Variants in MAGI2 observed in about 807,000 individuals in gnomAD.
MAGI2 encodes membrane associated guanylate kinase, WW and PDZ domain containing 2.
A neutral mutation model predicts 133.3 loss-of-function variants in MAGI2; 35 were observed. The ratio of observed to expected loss-of-function variants is 0.26; its 90% CI spans 0.20 to 0.35. MAGI2 has a LOEUF of 0.35. Among genes scored for constraint, MAGI2 ranks in the 10% least tolerant of loss-of-function variants. The probability of loss-of-function intolerance (pLI) is 1.00; values close to 1 mark genes in which losing one functional copy is unlikely to be tolerated. For missense variants in MAGI2, 1,636 were observed against 1,863.4 expected (o/e 0.88, Z 2.25); for synonymous variants, 729 against 710.6 (o/e 1.03, Z -0.41).
chr7:78,999,996 T>C (rs987857307), intron 2 of MAGI2, among the ~76,000 whole-genome samples: 2 of 152,176 alleles, frequency 1.3e-5, no homozygotes, highest in African/African-American at 4.8e-5. Context: ...AGTTGCCAAA[T>C]TGATGATTCT....
intron 2 of MAGI2, among the ~76,000 whole-genome samples, chr7:79,005,667 TCTC>T (rs1176383902): frequency 2.0e-5 from 3 of 152,156 alleles, no homozygotes; most frequent in Non-Finnish European, 4.4e-5. Flanking sequence ...GTATTTCAGA[TCTC>T]CTTTCTTTCA....
intron 1 of MAGI2, among the ~76,000 whole-genome samples, chr7:79,335,335 T>C (rs1400290724): frequency 2.0e-5 from 3 of 152,108 alleles, no homozygotes; most frequent in Admixed American, 2.0e-4. Flanking sequence ...CCATGGTTTA[T>C]GTATAGAAAA....
At chr7:79,149,110 T>A (rs1489809885) in intron 1 of MAGI2, among the ~76,000 whole-genome samples, 3 of 144,288 alleles carry the variant, frequency 2.1e-5, no homozygotes, top group Non-Finnish European at 3.0e-5. Context: ...TATAATATAT[T>A]ATATTATATA....
chr7:78,327,450 G>T lies in MAGI2; in HGVS notation c.1408+16328C>A, dbSNP rs917297823. 1.1e-4 allele frequency among the ~76,000 whole-genome samples: 17 copies of T among 152,204 alleles called. No individual in the cohort carries two copies. The East Asian group carries it at 3.3e-3, about 29-fold the overall frequency. ...ACAGGCTACCCCAATTTCAATGAGT[G>T]ATTCTCCTGTAGCCTCCCCTTTCTT... On this transcript the variant is annotated intron_variant, in intron 9 of 21. Transcript: ENST00000354212.
At chr7:78,486,835 G>A (rs569644145) in intron 6 of MAGI2, 57 of 468,942 alleles carry the variant, frequency 1.2e-4, no homozygotes, top group South Asian at 4.8e-4. Context: ...CCCTGAGCTC[G>A]ACAGAAAGAC....
intron 1 of MAGI2, among the ~76,000 whole-genome samples, chr7:79,386,708 G>A (rs1045428441): frequency 6.6e-6 from 1 of 152,048 alleles, no homozygotes; most frequent in Non-Finnish European, 1.5e-5. Flanking sequence ...TGGCTGCTAT[G>A]ATCTGAATGT....
chr7:78,457,524 G>A (rs1454545950), intron 6 of MAGI2, among the ~76,000 whole-genome samples: 1 of 152,032 alleles, frequency 6.6e-6, no homozygotes, highest in African/African-American at 2.4e-5. Flanking sequence ...TGAGGATTTT[G>A]TAATATAATA....
chr7:79,296,156 G>T (rs538293914), intron 1 of MAGI2, among the ~76,000 whole-genome samples: 1 of 152,232 alleles, frequency 6.6e-6, no homozygotes, highest in South Asian at 2.1e-4. Context: ...CTCCACTCTT[G>T]TCTCTGTAGA....
intron 1 of MAGI2, among the ~76,000 whole-genome samples, chr7:79,100,914 A>G (rs1750007487): frequency 1.3e-5 from 2 of 151,958 alleles, no homozygotes; most frequent in African/African-American, 4.8e-5. Flanking sequence ...TGTTTCAGTA[A>G]CACTTTTCCA....
intron 2 of MAGI2, among the ~76,000 whole-genome samples, chr7:78,969,638 C>T (rs912420986): frequency 2.0e-5 from 3 of 151,998 alleles, no homozygotes; most frequent in Admixed American, 2.0e-4. Flanking sequence ...CCTTGATAGC[C>T]TTAATTCACT....
intron 2 of MAGI2, among the ~76,000 whole-genome samples, chr7:78,866,572 A>T (rs896786256): frequency 6.6e-6 from 1 of 151,908 alleles, no homozygotes; most frequent in African/African-American, 2.4e-5. Context: ...TCAATCCCCT[A>T]TGGTCCTGCT....
intron 9 of MAGI2, among the ~76,000 whole-genome samples, chr7:78,321,799 A>T (rs192714590): frequency 1.6e-4 from 25 of 152,366 alleles, no homozygotes; most frequent in African/African-American, 5.8e-4. Flanking sequence ...GAGCTTCTGC[A>T]CTGCAAAAGA....
intron 6 of MAGI2, among the ~76,000 whole-genome samples, chr7:78,397,374 C>CACACAA (rs2151330784): frequency 6.6e-6 from 1 of 151,176 alleles, no homozygotes; most frequent in Non-Finnish European, 1.5e-5. Flanking sequence ...CCTACACACA[C>CACACAA]ACACACACAC....
At chr7:78,166,093 T>C (rs1282420737) in intron 15 of MAGI2, among the ~76,000 whole-genome samples, 1 of 152,226 alleles carries the variant, frequency 6.6e-6, no homozygotes, top group Non-Finnish European at 1.5e-5. Context: ...TGAGTAAAGT[T>C]GGTAAGAGCT....
At chr7:78,858,419 T>C (rs1400909979) in intron 2 of MAGI2, among the ~76,000 whole-genome samples, 2 of 152,240 alleles carry the variant, frequency 1.3e-5, no homozygotes, top group Non-Finnish European at 2.9e-5. Flanking sequence ...ACACACTGCT[T>C]TAAATGTGTC....
At chr7:79,246,972 C>A (rs752464228) in intron 1 of MAGI2, among the ~76,000 whole-genome samples, 2 of 152,024 alleles carry the variant, frequency 1.3e-5, no homozygotes, top group African/African-American at 2.4e-5. Flanking sequence ...TTGTGGAAAC[C>A]TTATAAGCCA....
At chr7:79,443,320 T>C (rs1000049706) in intron 1 of MAGI2, among the ~76,000 whole-genome samples, 1 of 133,084 alleles carries the variant, frequency 7.5e-6, no homozygotes, top group African/African-American at 2.8e-5. Flanking sequence ...GTGTGTGTAT[T>C]CCATGTACCT....
chr7:78,593,183 G>A (rs557616671), intron 3 of MAGI2, among the ~76,000 whole-genome samples: 1 of 151,516 alleles, frequency 6.6e-6, no homozygotes, highest in African/African-American at 2.4e-5. Context: ...ACGAGGTCAG[G>A]AGATCGAGAC....
chr7:79,244,580 G>A (rs988548340), intron 1 of MAGI2, among the ~76,000 whole-genome samples: 2 of 152,168 alleles, frequency 1.3e-5, no homozygotes, highest in Non-Finnish European at 2.9e-5. Context: ...AGCCAGAGGG[G>A]AATTGCCTAT....
Sources: allele counts gnomAD v4.1 joint callset (sites outside exome capture counted in the v4.1 genomes callset), GRCh38; gene constraint gnomAD v4.1.1; transcripts MANE v1.5; gene names NCBI Gene and HGNC (gene_info 2026-07-23, HGNC 2026-07-21).